The following CNTNAP5 variants were observed in gnomAD, a reference collection of about 807,000 sequenced individuals.
CNTNAP5 encodes contactin-associated protein-like 5.
Under a neutral mutation model 150.2 loss-of-function variants are expected in CNTNAP5, and 72 were observed. The observed-to-expected ratio is 0.48, with a 90% confidence interval of 0.40 to 0.58. The LOEUF (loss-of-function observed/expected upper bound fraction) is 0.58. Among genes scored for constraint, CNTNAP5 ranks in the 20% least tolerant of loss-of-function variants. CNTNAP5 has a pLI of 0.00. For synonymous variants in CNTNAP5, 672 were observed against 619.8 expected (o/e 1.08, Z -1.25); for missense variants, 1,636 against 1,626.2 (o/e 1.01, Z -0.10).
At position 124,468,026 on chromosome 2, in the gene CNTNAP5, G is replaced by A. The variant is rs1330762321; in HGVS notation, c.919-6713G>A. 2.0e-5 allele frequency among the ~76,000 whole-genome samples: 3 copies of A among 152,062 alleles called. No homozygotes were observed. The East Asian group carries it at 5.8e-4, about 29-fold the overall frequency. On this transcript the variant is annotated intron_variant, in intron 6 of 23. Transcript: ENST00000682447. ...TCACTAATGGGGTGGTTTGTGTATC[G>A]TGCTGCGTCAAGGGAGTCATGCCAT...
At chr2:124,122,346 G>T (rs1264821804) in intron 1 of CNTNAP5, among the ~76,000 whole-genome samples, 1 of 152,140 alleles carries the variant, frequency 6.6e-6, no homozygotes, top group Non-Finnish European at 1.5e-5. Context: ...AACAGCCCTT[G>T]CTTATTTTTA....
chr2:124,338,400 T>G (rs945136646), intron 3 of CNTNAP5, among the ~76,000 whole-genome samples: 17 of 152,142 alleles, frequency 1.1e-4, no homozygotes, highest in Non-Finnish European at 2.2e-4. Flanking sequence ...CTTCCAACAC[T>G]ATGTTGAATA....
chr2:124,913,110 C>A (rs2104770343), intron 23 of CNTNAP5, among the ~76,000 whole-genome samples: 1 of 152,146 alleles, frequency 6.6e-6, no homozygotes, highest in Non-Finnish European at 1.5e-5. Flanking sequence ...TTCTGTAAAT[C>A]ATAATTCATT....
chr2:124,682,148 A>G (rs139900488), intron 13 of CNTNAP5, among the ~76,000 whole-genome samples: 3 of 152,118 alleles, frequency 2.0e-5, no homozygotes, highest in African/African-American at 7.2e-5. Flanking sequence ...CGGCATGTAC[A>G]CATCCATGCA....
intron 12 of CNTNAP5, among the ~76,000 whole-genome samples, chr2:124,617,774 C>T (rs142003044): frequency 2.1e-4 from 32 of 152,176 alleles, no homozygotes; most frequent in African/African-American, 7.5e-4. Context: ...GATGACACAG[C>T]AGCAATTAAC....
chr2:124,802,807 AG>A (rs1448650059), intron 19 of CNTNAP5, among the ~76,000 whole-genome samples: 1 of 152,190 alleles, frequency 6.6e-6, no homozygotes, highest in African/African-American at 2.4e-5. Context: ...AAAGACAGAT[AG>A]AAAGGATCCT....
chr2:124,636,958 A>G (rs1677983990), intron 12 of CNTNAP5, among the ~76,000 whole-genome samples: 1 of 141,176 alleles, frequency 7.1e-6, no homozygotes, highest in Non-Finnish European at 1.6e-5. Context: ...TTACGGAACC[A>G]TTTGAAAGTA....
intron 13 of CNTNAP5, among the ~76,000 whole-genome samples, chr2:124,730,767 G>T (rs535408154): frequency 6.6e-6 from 1 of 152,020 alleles, no homozygotes; most frequent in South Asian, 2.1e-4. Context: ...CCTTTGTGGG[G>T]TATTATGGAA....
intron 19 of CNTNAP5, among the ~76,000 whole-genome samples, chr2:124,816,138 C>A (rs1437185633): frequency 2.0e-5 from 3 of 152,164 alleles, no homozygotes; most frequent in Admixed American, 2.0e-4. Context: ...TATTAGTTTT[C>A]TATTGTTGAG....
At chr2:124,893,932 T>C (rs1004236536) in intron 21 of CNTNAP5, among the ~76,000 whole-genome samples, 6 of 152,128 alleles carry the variant, frequency 3.9e-5, no homozygotes, top group Non-Finnish European at 8.8e-5. Flanking sequence ...TAAAATTACA[T>C]ATATATATTA....
chr2:124,392,712 G>GAAAAAA (rs1691147684), intron 3 of CNTNAP5, among the ~76,000 whole-genome samples: 1 of 102,836 alleles, frequency 9.7e-6, no homozygotes, highest in African/African-American at 4.8e-5. Context: ...AAAAAAAAAG[G>GAAAAAA]AAAAGAAGGA....
intron 1 of CNTNAP5, among the ~76,000 whole-genome samples, chr2:124,156,039 A>G (rs1684520440): frequency 6.6e-6 from 1 of 152,234 alleles, no homozygotes; most frequent in South Asian, 2.1e-4. Flanking sequence ...AGTGCATCTA[A>G]AAAAGGGTTC....
intron 3 of CNTNAP5, among the ~76,000 whole-genome samples, chr2:124,362,858 CTATTT>C (rs1425859207): frequency 6.6e-6 from 1 of 152,152 alleles, no homozygotes; most frequent in African/African-American, 2.4e-5. Flanking sequence ...CGACTACATT[CTATTT>C]TTTTGTTCAG....
chr2:124,209,413 A>C (rs1363672879), intron 1 of CNTNAP5, among the ~76,000 whole-genome samples: 1 of 152,222 alleles, frequency 6.6e-6, no homozygotes, highest in African/African-American at 2.4e-5. Context: ...TAAAGAAAGC[A>C]TTTAGAAATC....
intron 13 of CNTNAP5, among the ~76,000 whole-genome samples, chr2:124,738,406 G>A (rs575711266): frequency 5.9e-5 from 9 of 152,216 alleles, no homozygotes; most frequent in Admixed American, 3.9e-4. Flanking sequence ...TGTAAGTCTC[G>A]TGTTATTTCA....
At chr2:124,249,835 C>T (rs907141134) in intron 3 of CNTNAP5, among the ~76,000 whole-genome samples, 2 of 152,122 alleles carry the variant, frequency 1.3e-5, no homozygotes, top group African/African-American at 4.8e-5. Flanking sequence ...TAACATCCAG[C>T]AAAGTATTCG....
intron 12 of CNTNAP5, among the ~76,000 whole-genome samples, chr2:124,645,472 G>A (rs140128693): frequency 2.1e-3 from 326 of 152,236 alleles, no homozygotes; most frequent in African/African-American, 7.4e-3. Flanking sequence ...GGAGTCTGAG[G>A]CAGGAGGATC....
chr2:124,807,513 A>C (rs538103020), intron 19 of CNTNAP5, among the ~76,000 whole-genome samples: 1 of 152,334 alleles, frequency 6.6e-6, no homozygotes, highest in South Asian at 2.1e-4. Context: ...ATTCTCACAC[A>C]ATGACTATGG....
intron 8 of CNTNAP5, among the ~76,000 whole-genome samples, chr2:124,518,212 G>A (rs1431196260): frequency 6.6e-6 from 1 of 152,140 alleles, no homozygotes; most frequent in Non-Finnish European, 1.5e-5. Context: ...TTCATCAAGT[G>A]TGAGCTATAA....
Sources: allele counts gnomAD v4.1 joint callset (sites outside exome capture counted in the v4.1 genomes callset), GRCh38; gene constraint gnomAD v4.1.1; transcripts MANE v1.5; gene names NCBI Gene and HGNC (gene_info 2026-07-23, HGNC 2026-07-21).